PPARGC1A: variants seen among roughly 807,000 people sequenced by gnomAD.
PPARGC1A encodes the protein PPARG coactivator 1 alpha, also known as peroxisome proliferator-activated receptor gamma coactivator 1-alpha.
PPARGC1A carries 25 observed loss-of-function variants against 88.7 expected under a neutral mutation model. The observed-to-expected ratio is 0.28, with a 90% confidence interval of 0.21 to 0.39. The LOEUF is 0.39. PPARGC1A is among the 10% of genes least tolerant of loss of function. The pLI is 1.00. For missense variants in PPARGC1A, 880 were observed against 968.7 expected (o/e 0.91, Z 1.22); for synonymous variants, 363 against 355.6 (o/e 1.02, Z -0.24).
chr4:24,294,860 T>C, the PPARGC1A span, among the ~76,000 whole-genome samples: 1 of 152,230 alleles, frequency 6.6e-6, no homozygotes. Flanking sequence ...TGTCACCTAG[T>C]CAGCTTTTTG....
chr4:24,385,340 A>G, the PPARGC1A span, among the ~76,000 whole-genome samples: 3 of 152,204 alleles, frequency 2.0e-5, no homozygotes. Context: ...GAACTAGAGA[A>G]GCAAGAGCAA....
upstream of PPARGC1A, among the ~76,000 whole-genome samples, chr4:23,890,822 C>T (rs951523330): frequency 5.3e-5 from 8 of 152,108 alleles, no homozygotes; most frequent in African/African-American, 1.9e-4. Context: ...CCATTTCTCT[C>T]ATAGGCTCCC....
At chr4:24,321,043 C>T in the PPARGC1A span, among the ~76,000 whole-genome samples, 1,378 of 152,204 alleles carry the variant, frequency 9.1e-3, 24 homozygotes, top group African/African-American at 0.031. Context: ...AGTGTAGGGC[C>T]TGACTCCTCT....
the PPARGC1A span, among the ~76,000 whole-genome samples, chr4:24,132,597 A>G: frequency 1.1e-4 from 17 of 152,230 alleles, no homozygotes; most frequent in African/African-American, 3.9e-4. Context: ...AATGCAAAAT[A>G]TATCTAATGC....
At chr4:24,345,132 G>A in the PPARGC1A span, among the ~76,000 whole-genome samples, 1 of 152,054 alleles carries the variant, frequency 6.6e-6, no homozygotes, top group Non-Finnish European at 1.5e-5. Flanking sequence ...TTTTATACCA[G>A]TACCACACTG....
the PPARGC1A span, among the ~76,000 whole-genome samples, chr4:24,212,049 C>T: frequency 6.6e-6 from 1 of 152,140 alleles, no homozygotes; most frequent in Non-Finnish European, 1.5e-5. Context: ...TCATGTGACT[C>T]ACTTGCCTGC....
At chr4:24,164,814 A>T in the PPARGC1A span, among the ~76,000 whole-genome samples, 1 of 152,162 alleles carries the variant, frequency 6.6e-6, no homozygotes, top group Non-Finnish European at 1.5e-5. Context: ...TTCTGGCTAC[A>T]CACATTGGCA....
chr4:24,272,981 T>A, the PPARGC1A span, among the ~76,000 whole-genome samples: 6 of 152,250 alleles, frequency 3.9e-5, no homozygotes, highest in Admixed American at 3.9e-4. Flanking sequence ...GAATAAAATT[T>A]AGTTCTACCT....
the PPARGC1A span, among the ~76,000 whole-genome samples, chr4:24,131,085 T>C: frequency 6.6e-6 from 1 of 152,238 alleles, no homozygotes; most frequent in Non-Finnish European, 1.5e-5. Flanking sequence ...TTTACTGATA[T>C]GTCTTTCTCT....
At chr4:24,344,372 T>C in the PPARGC1A span, among the ~76,000 whole-genome samples, 1 of 152,158 alleles carries the variant, frequency 6.6e-6, no homozygotes, top group African/African-American at 2.4e-5. Context: ...ACCGGAAGTG[T>C]AGAAGTGTTC....
At chr4:24,176,539 C>T in the PPARGC1A span, among the ~76,000 whole-genome samples, 2 of 152,090 alleles carry the variant, frequency 1.3e-5, no homozygotes, top group African/African-American at 2.4e-5. Context: ...TATTAAGGAA[C>T]TAGAAAACAG....
At chr4:24,327,631 C>T in the PPARGC1A span, among the ~76,000 whole-genome samples, 1 of 151,928 alleles carries the variant, frequency 6.6e-6, no homozygotes, top group Non-Finnish European at 1.5e-5. Flanking sequence ...CACAATATCA[C>T]CTCTTACCAC....
the PPARGC1A span, among the ~76,000 whole-genome samples, chr4:24,092,493 C>T: frequency 6.6e-6 from 1 of 152,110 alleles, no homozygotes; most frequent in Non-Finnish European, 1.5e-5. Flanking sequence ...TCACAAAACT[C>T]GGTGCAGAGT....
chr4:24,305,101 C>T, the PPARGC1A span, among the ~76,000 whole-genome samples: 2 of 147,294 alleles, frequency 1.4e-5, no homozygotes, highest in Non-Finnish European at 3.0e-5. Context: ...GTTTGGGGCA[C>T]TGTAAAACAG....
At chr4:24,223,879 A>C in the PPARGC1A span, among the ~76,000 whole-genome samples, 1 of 152,228 alleles carries the variant, frequency 6.6e-6, no homozygotes, top group Non-Finnish European at 1.5e-5. Flanking sequence ...TTAGCATTCC[A>C]CTAATGTTAC....
At chr4:24,256,677 T>A in the PPARGC1A span, among the ~76,000 whole-genome samples, 166 of 152,278 alleles carry the variant, frequency 1.1e-3, no homozygotes, top group Non-Finnish European at 9.0e-4. Context: ...GCAGATTGTA[T>A]TATTAACCAA....
At chr4:24,410,422 C>T in the PPARGC1A span, among the ~76,000 whole-genome samples, 1 of 152,088 alleles carries the variant, frequency 6.6e-6, no homozygotes, top group Non-Finnish European at 1.5e-5. Flanking sequence ...AATTGAAATG[C>T]CTTAGGCTAG....
chr4:23,892,467 C>T (rs1717990748), upstream of PPARGC1A, among the ~76,000 whole-genome samples: 1 of 150,212 alleles, frequency 6.7e-6, no homozygotes, highest in Non-Finnish European at 1.5e-5. Context: ...AAAACTACAA[C>T]TGTAATGAGA....
the PPARGC1A span, among the ~76,000 whole-genome samples, chr4:23,915,678 A>G: frequency 2.0e-5 from 3 of 152,214 alleles, no homozygotes; most frequent in Non-Finnish European, 4.4e-5. Context: ...TGATAGATAT[A>G]GATAGTCACA....
Sources: gnomAD v4.1 joint callset for allele counts (sites outside exome capture counted in the v4.1 genomes callset) on GRCh38, gnomAD v4.1.1 for gene constraint, MANE v1.5 for transcripts, NCBI Gene and HGNC (gene_info 2026-07-23, HGNC 2026-07-21) for gene names.